The following NHS variants were observed in gnomAD, a reference collection of about 807,000 sequenced individuals.
NHS encodes the protein actin remodeling regulator NHS.
A neutral mutation model predicts 72.5 loss-of-function variants in NHS; 5 were observed. The observed-to-expected ratio is 0.07, with a 90% CI of 0.04 to 0.14. The LOEUF (loss-of-function observed/expected upper bound fraction) is 0.14, where lower values mean the gene tolerates loss of function less well. Ranked by LOEUF, NHS falls within the 10% of genes least tolerant of loss-of-function variation. NHS has a pLI of 1.00. For missense variants in NHS, 1,072 were observed against 1,355.7 expected (o/e 0.79, Z 3.29); for synonymous variants, 464 against 547.7 (o/e 0.85, Z 2.13).
chrX:17,464,221 T>C (rs1024687430), intron 1 of NHS, among the ~76,000 whole-genome samples: 1 of 111,564 alleles, frequency 9.0e-6, no homozygotes, highest in Non-Finnish European at 1.9e-5. Context: ...CTGAGGCTGC[T>C]GCTGAGGCCT....
At chrX:17,730,206 G>T (rs191211468) in intron 8 of NHS, among the ~76,000 whole-genome samples, 2 of 112,006 alleles carry the variant, frequency 1.8e-5, no homozygotes, top group East Asian at 5.6e-4. Flanking sequence ...ACTCCCAAAG[G>T]ACCAAATGCT....
intron 1 of NHS, among the ~76,000 whole-genome samples, chrX:17,565,579 C>G (rs981936833): frequency 8.9e-6 from 1 of 112,154 alleles, no homozygotes; most frequent in African/African-American, 3.2e-5. Context: ...GCTAGCATCT[C>G]ACTAGCTGAA....
chrX:17,715,441 G>T (rs961885813), intron 3 of NHS, among the ~76,000 whole-genome samples: 1 of 112,393 alleles, frequency 8.9e-6, no homozygotes, highest in African/African-American at 3.2e-5. Context: ...TGAGCATTTA[G>T]GTTGGTTCCA....
rs768885439 is a variant in NHS, at chrX:17,386,043, C to T, written c.565+9721C>T. On this transcript the variant is annotated intron_variant, in intron 1 of 8. Transcript: ENST00000676302. ...AGGGAGTGGGAAGTGGCCACCCCTG[C>T]CCCAACTGTATTGCTGGATAGCTCC... Among the ~76,000 whole-genome samples, 245 of 111,732 alleles carry T rather than the reference C, an allele frequency of 2.2e-3. 1 individual carries two copies. Among genetic ancestry groups the T allele is most frequent in the Non-Finnish European group, 4.1e-3 (216 of 53,161 alleles).
intron 3 of NHS, among the ~76,000 whole-genome samples, chrX:17,704,108 G>A (rs1221366723): frequency 1.8e-5 from 2 of 110,538 alleles, no homozygotes; most frequent in Non-Finnish European, 3.8e-5. Context: ...TGTACACCTC[G>A]TGCCTTTCAA....
intron 1 of NHS, among the ~76,000 whole-genome samples, chrX:17,533,683 G>A (rs2065209748): frequency 8.9e-6 from 1 of 111,903 alleles, no homozygotes; most frequent in Non-Finnish European, 1.9e-5. Flanking sequence ...AGATGGACAG[G>A]GCTGGGGTCA....
At position 17,732,622 on chromosome X, in the gene NHS, G is replaced by T. The variant is rs1386643352; in HGVS notation, c.*158G>T. The T allele has an allele frequency of 1.2e-6, 1 of 806,031 alleles. No homozygotes were observed. Among genetic ancestry groups the T allele is most frequent in the Non-Finnish European group, 1.8e-6 (1 of 553,167 alleles). 66.4% of individuals were successfully genotyped at this position (806,031 alleles called of 1,213,427 possible). ...AAATACAGTATGTGCTGGGTAAACA[G>T]AAAGTGGTTTAGACATTCTTGATTA... On this transcript the variant is annotated 3_prime_UTR_variant, in exon 9 of 9. Transcript: ENST00000676302.
At chrX:17,705,221 G>A (rs1267030793) in intron 3 of NHS, 1 of 112,040 alleles carries the variant, frequency 8.9e-6, no homozygotes, top group African/African-American at 3.2e-5. Flanking sequence ...AGCATTTTGG[G>A]AGACGGGGCA....
chrX:17,536,260 C>A (rs112384678), intron 1 of NHS, among the ~76,000 whole-genome samples: 5,063 of 112,204 alleles, frequency 0.045, 300 homozygotes, highest in African/African-American at 0.16. Context: ...GAGGCTGAGG[C>A]AGGAGAATGG....
intron 1 of NHS, among the ~76,000 whole-genome samples, chrX:17,538,256 C>T (rs1182800481): frequency 8.9e-6 from 1 of 112,091 alleles, no homozygotes; most frequent in African/African-American, 3.2e-5. Context: ...AGTGCACTGC[C>T]TTTCCTGGAC....
chrX:17,586,912 T>G (rs1369138546), intron 1 of NHS: 3 of 112,094 alleles, frequency 2.7e-5, no homozygotes. Flanking sequence ...GTATCACGAT[T>G]TTCTCTTAAC....
chrX:17,534,654 C>G (rs1233981035), intron 1 of NHS, among the ~76,000 whole-genome samples: 1 of 112,056 alleles, frequency 8.9e-6, no homozygotes, highest in South Asian at 3.7e-4. Context: ...ATTGTATGGA[C>G]TCTTCCAAGC....
intron 1 of NHS, among the ~76,000 whole-genome samples, chrX:17,455,086 A>G (rs2064820571): frequency 9.0e-6 from 1 of 111,683 alleles, no homozygotes; most frequent in African/African-American, 3.3e-5. Flanking sequence ...AGAGAGGGTT[A>G]TAGGTAATAG....
chrX:17,558,954 A>G (rs762439116), intron 1 of NHS, among the ~76,000 whole-genome samples: 3 of 112,755 alleles, frequency 2.7e-5, no homozygotes, highest in Non-Finnish European at 3.7e-5. Flanking sequence ...ACATTCATTC[A>G]ACAAATAGAA....
At position 17,599,178 on chromosome X, in the gene NHS, T is replaced by C. The variant is rs373164311; in HGVS notation, c.566-88564T>C. ...TTTGCTAATATCCAGTTTGGGACTT[T>C]ACAGAGAATGCTGCTATATACACAT... On this transcript the variant is annotated intron_variant, in intron 1 of 8. Transcript: ENST00000676302. 3.7e-4 allele frequency among the ~76,000 whole-genome samples: 41 copies of C among 112,301 alleles called. No individual in the cohort carries two copies. The East Asian group carries it at 0.01, about 28-fold the overall frequency.
chrX:17,727,779 G>A lies in NHS; in HGVS notation c.3673G>A (p.Val1225Met), dbSNP rs759884848. ...LHLEKNSTFD[V>M]KNRCDPETIT... The stretch of plus-strand genomic sequence containing the variant: ...TTTAGAAAAAAACTCTACTTTTGAT[G>A]TGAAGAATCGCTGCGATCCAGAAAC... Residue 1225 changes from valine to methionine, a missense_variant, in exon 7 of 9, where the codon GTG becomes ATG. Physicochemically the swap from Val to Met is conservative, Grantham distance 21. Transcript: ENST00000676302. The A allele has an allele frequency of 3.3e-6, 4 of 1,211,653 alleles. No homozygotes were observed. Among genetic ancestry groups the A allele is most frequent in the Non-Finnish European group, 3.4e-6 (3 of 895,492 alleles).
intron 1 of NHS, among the ~76,000 whole-genome samples, chrX:17,555,407 C>T (rs2065365466): frequency 9.1e-6 from 1 of 110,221 alleles, no homozygotes; most frequent in Admixed American, 9.7e-5. Context: ...ATCTGGAAAG[C>T]TTGACAGTGC....
At chrX:17,431,491 A>G (rs1158752081) in intron 1 of NHS, among the ~76,000 whole-genome samples, 1 of 111,073 alleles carries the variant, frequency 9.0e-6, no homozygotes, top group East Asian at 2.8e-4. Flanking sequence ...CCTTAGTTGC[A>G]TAGTCTGTTA....
chrX:17,685,367 A>G (rs940979319), intron 1 of NHS, among the ~76,000 whole-genome samples: 1 of 111,864 alleles, frequency 8.9e-6, no homozygotes, highest in East Asian at 2.8e-4. Context: ...TTTTGGAAAG[A>G]AAAAGGTGAT....
Sources: allele counts gnomAD v4.1 joint callset (sites outside exome capture counted in the v4.1 genomes callset), GRCh38; gene constraint gnomAD v4.1.1; transcripts MANE v1.5; gene names NCBI Gene and HGNC (gene_info 2026-07-23, HGNC 2026-07-21).